TDRD3: variants seen among roughly 807,000 people sequenced by gnomAD.
The protein encoded by TDRD3 is tudor domain containing 3.
In TDRD3, 45 loss-of-function variants were observed where a neutral mutation model predicts 86.7. The observed-to-expected ratio is 0.52, with a 90% CI of 0.41 to 0.67. The LOEUF (loss-of-function observed/expected upper bound fraction) is 0.67, where lower values mean the gene tolerates loss of function less well. TDRD3 is among the 30% of genes least tolerant of loss of function. The pLI, the probability that TDRD3 is intolerant of heterozygous loss-of-function variation, is 0.00. For missense variants in TDRD3, 814 were observed against 889.0 expected (o/e 0.92, Z 1.07); for synonymous variants, 298 against 301.7 (o/e 0.99, Z 0.13).
At chr13:60,527,385 A>T (rs997875978) in intron 10 of TDRD3, among the ~76,000 whole-genome samples, 5 of 152,156 alleles carry the variant, frequency 3.3e-5, no homozygotes, top group Non-Finnish European at 7.3e-5. Context: ...AACAGAGGGA[A>T]CAGTCTCACC....
At chr13:60,535,284 T>C (rs758839221) in intron 12 of TDRD3, 51 bp downstream of exon 12, 9 of 1,544,064 alleles carry the variant, frequency 5.8e-6, no homozygotes, top group Non-Finnish European at 7.0e-6. Context: ...GAAGAAAATA[T>C]ATAGCTCTAA....
chr13:60,514,214 T>C (rs1009450890), intron 10 of TDRD3, among the ~76,000 whole-genome samples: 3 of 152,200 alleles, frequency 2.0e-5, no homozygotes, highest in Non-Finnish European at 4.4e-5. Flanking sequence ...GCCCTAGTGA[T>C]TTGTGGAACT....
intron 1 of TDRD3, among the ~76,000 whole-genome samples, chr13:60,398,447 A>G (rs1035356732): frequency 1.1e-4 from 16 of 152,208 alleles, no homozygotes; most frequent in Non-Finnish European, 1.9e-4. Context: ...GCTGCTGGAG[A>G]TGACACAGGG....
At chr13:60,396,077 G>C (rs1447428426), upstream of TDRD3, among the ~76,000 whole-genome samples, 2 of 152,104 alleles carry the variant, frequency 1.3e-5, no homozygotes, top group African/African-American at 2.4e-5. Context: ...CCTTCCTTCC[G>C]TAACTGCCAA....
At chr13:60,464,013 G>A (rs1201062575) in intron 4 of TDRD3, among the ~76,000 whole-genome samples, 1 of 152,096 alleles carries the variant, frequency 6.6e-6, no homozygotes, top group Admixed American at 6.6e-5. Context: ...GTGGGCGCTG[G>A]TTGTTAAAAA....
chr13:60,399,158 T>C (rs1954027516), intron 1 of TDRD3, among the ~76,000 whole-genome samples: 1 of 152,206 alleles, frequency 6.6e-6, no homozygotes, highest in Non-Finnish European at 1.5e-5. Flanking sequence ...TGCACCAGAT[T>C]GTAGGTTCTC....
At chr13:60,499,689 T>A (rs1595028063) in intron 8 of TDRD3, among the ~76,000 whole-genome samples, 1 of 152,198 alleles carries the variant, frequency 6.6e-6, no homozygotes, top group African/African-American at 2.4e-5. Flanking sequence ...AATTCAGGAA[T>A]GTTCTGCCTC....
intron 10 of TDRD3, among the ~76,000 whole-genome samples, chr13:60,522,938 TCA>T (rs1419237391): frequency 2.6e-5 from 4 of 152,174 alleles, no homozygotes; most frequent in African/African-American, 9.7e-5. Context: ...TGTTTTAGCT[TCA>T]GTTAGATTTC....
intron 10 of TDRD3, among the ~76,000 whole-genome samples, chr13:60,527,021 G>T (rs1957454923): frequency 6.6e-6 from 1 of 152,046 alleles, no homozygotes; most frequent in South Asian, 2.1e-4. Flanking sequence ...TTTTAGTAGA[G>T]ACAAGGGTTC....
Position 60,510,741 on chromosome 13 carries a change from C to A in TDRD3, c.1127C>A (p.Thr376Asn). 6.4e-7 allele frequency: 1 copy of A among 1,569,484 alleles called. No homozygotes were observed. Among genetic ancestry groups the A allele is most frequent in the Non-Finnish European group, 8.6e-7 (1 of 1,159,544 alleles). Residue 376 changes from threonine to asparagine, a missense_variant, in exon 10 of 14, where the codon ACT becomes AAT. By Grantham distance (65) the Thr-to-Asn change is moderately conservative. Coordinates refer to ENST00000377881, the MANE Select transcript of TDRD3 (RefSeq NM_001146070.2). ...GATTTCTTGGAATCTAAAATGGGAA[C>A]TTTGAATGTGGAAGGTAAGCTAATT... Reference protein sequence around the residue: ...LFDFLESKMGTLNVEEPKSQP... With the variant: ...LFDFLESKMGNLNVEEPKSQP...
intron 1 of TDRD3, among the ~76,000 whole-genome samples, chr13:60,405,946 G>A (rs1255816833): frequency 6.6e-6 from 1 of 152,152 alleles, no homozygotes; most frequent in Non-Finnish European, 1.5e-5. Context: ...TGACAGATTG[G>A]ACATGAATGT....
At chr13:60,477,782 A>G (rs1188759350) in intron 5 of TDRD3, among the ~76,000 whole-genome samples, 2 of 152,176 alleles carry the variant, frequency 1.3e-5, no homozygotes, top group East Asian at 1.9e-4. Context: ...CTAGTATTTT[A>G]TTGAAGATCT....
At position 60,528,875 on chromosome 13, in the gene TDRD3, A is replaced by G. The variant is rs1340622271; in HGVS notation, c.1650A>G (p.Lys550=). ...TTCCTGATTATTTTTATGACAGGAA[A>G]TCACAAACAATAAATAATGAAGCTT... ...TSIPDYFYDR[K]SQTINNEAFS... The change falls in exon 11 of 14, where the codon AAA becomes AAG. Residue 550 remains lysine (K), a synonymous_variant. Coordinates refer to ENST00000377881, the MANE Select transcript of TDRD3 (RefSeq NM_001146070.2). The G allele has an allele frequency of 5.6e-6, 9 of 1,612,308 alleles. No homozygotes were observed. Among genetic ancestry groups the G allele is most frequent in the Non-Finnish European group, 7.6e-6 (9 of 1,179,622 alleles).
chr13:60,405,674 G>A (rs1954217514), intron 1 of TDRD3, among the ~76,000 whole-genome samples: 1 of 152,190 alleles, frequency 6.6e-6, no homozygotes, highest in Non-Finnish European at 1.5e-5. Flanking sequence ...GATGGAATTA[G>A]GAGCTACCTA....
In TDRD3 at chr13:60,414,183, C is replaced by T. The variant is rs139869242; in HGVS notation, c.41+16778C>T. Among the ~76,000 whole-genome samples, 1,321 of 151,856 alleles carry T rather than the reference C, an allele frequency of 8.7e-3. 18 individuals carry two copies. Among genetic ancestry groups the T allele is most frequent in the African/African-American group, 0.03 (1,255 of 41,422 alleles). On this transcript the variant is annotated intron_variant, in intron 1 of 13. Transcript: ENST00000377881. Reference sequence around the variant, plus strand: ...GACAATGTACGTTTTTTTTTAAGTCCAGATACATTTTTTTTGAGAGAAGGA... The same window carrying T: ...GACAATGTACGTTTTTTTTTAAGTCTAGATACATTTTTTTTGAGAGAAGGA...
chr13:60,562,419 G>T (rs1409893447), intron 12 of TDRD3, among the ~76,000 whole-genome samples: 1 of 150,068 alleles, frequency 6.7e-6, no homozygotes. Flanking sequence ...TCTAAAAATA[G>T]ACTTGTTTTT....
At chr13:60,531,717 C>T (rs536160833) in intron 11 of TDRD3, among the ~76,000 whole-genome samples, 1 of 152,212 alleles carries the variant, frequency 6.6e-6, no homozygotes, top group Non-Finnish European at 1.5e-5. Context: ...CTTATATTCT[C>T]TCTGCCAGTA....
chr13:60,490,929 C>G (rs1384416814), intron 7 of TDRD3, among the ~76,000 whole-genome samples: 1 of 151,528 alleles, frequency 6.6e-6, no homozygotes, highest in African/African-American at 2.4e-5. Flanking sequence ...ACCAGCCTGA[C>G]CAACATGGAG....
intron 10 of TDRD3, among the ~76,000 whole-genome samples, chr13:60,522,770 T>G (rs1957317929): frequency 1.3e-5 from 2 of 152,222 alleles, no homozygotes; most frequent in Admixed American, 1.3e-4. Flanking sequence ...CCAAATGTAT[T>G]TTTCAGCCCC....
Sources: gnomAD v4.1 joint callset for allele counts (sites outside exome capture counted in the v4.1 genomes callset) on GRCh38, gnomAD v4.1.1 for gene constraint, MANE v1.5 for transcripts, NCBI Gene and HGNC (gene_info 2026-07-23, HGNC 2026-07-21) for gene names.